KCNAB2: variants seen among roughly 807,000 people sequenced by gnomAD.
KCNAB2 encodes the protein potassium voltage-gated channel subfamily A regulatory beta subunit 2, also known as voltage-gated potassium channel subunit beta-2.
Under a neutral mutation model 63.6 loss-of-function variants are expected in KCNAB2, and 29 were observed. That is an observed-to-expected ratio of 0.46 (90% CI 0.34 to 0.62). KCNAB2 has a LOEUF of 0.62. Among genes scored for constraint, KCNAB2 ranks in the 20% least tolerant of loss-of-function variants. KCNAB2 has a pLI of 0.01. For synonymous variants in KCNAB2, 222 were observed against 224.2 expected, an observed-to-expected ratio of 0.99 and a Z score of 0.09; for missense variants, 359 against 563.9, an observed-to-expected ratio of 0.64 and a Z score of 3.68.
At chr1:6,022,714 A>C (rs1338705252) in intron 1 of KCNAB2, among the ~76,000 whole-genome samples, 1 of 151,470 alleles carries the variant, frequency 6.6e-6, no homozygotes, top group East Asian at 1.9e-4. Context: ...TACTCTAGGG[A>C]CCTCAGATCA....
intron 1 of KCNAB2, among the ~76,000 whole-genome samples, chr1:6,012,080 AGGTGGAGGTGATGAAAGTAGAGATGATG>A (rs1454287037): frequency 2.1e-5 from 3 of 144,480 alleles, no homozygotes; most frequent in African/African-American, 7.8e-5. Flanking sequence ...GAGGTGATGA[AGGTGGAGGTGATGAAAGTAGAGATGATG>A]GGTGGAGGTG....
chr1:6,073,952 C>T lies in KCNAB2; in HGVS notation c.300+182C>T, dbSNP rs574074832. On this transcript the variant is annotated intron_variant, in intron 4 of 15. Transcript: ENST00000378083. This position sits in a 1 kb window ranked among gnomAD's most constrained non-coding sequence, Gnocchi z 5.7. ...GAGAGTAGAAAGGTGAGCCAGGTGG[C>T]CATGGCCAGAGGGGATGCCGAGTCT... 2.1e-5 allele frequency: 13 copies of T among 627,748 alleles called. No individual in the cohort carries two copies. The highest frequency in any genetic ancestry group is 2.0e-4 in the African/African-American group (11 of 54,882). The allele number at this position is 627,748 out of a possible 1,614,324, so 38.9% of individuals were successfully genotyped here.
chr1:6,014,758 C>T (rs543052094), intron 1 of KCNAB2, among the ~76,000 whole-genome samples: 2 of 152,302 alleles, frequency 1.3e-5, no homozygotes, highest in East Asian at 3.9e-4. Flanking sequence ...GGCATCCTCT[C>T]CTCCTCCCGT....
intron 10 of KCNAB2, among the ~76,000 whole-genome samples, chr1:6,092,129 TAGA>T (rs1237636312): frequency 1.3e-5 from 2 of 152,380 alleles, no homozygotes; most frequent in East Asian, 3.9e-4. Flanking sequence ...TGGCAGCAGC[TAGA>T]AGGATTCAGT....
rs2100738900 is a variant in KCNAB2, at chr1:6,086,105, G to T, written c.425+857G>T. On this transcript the variant is annotated intron_variant, in intron 6 of 15. Coordinates refer to ENST00000378083, the MANE Select transcript of KCNAB2 (RefSeq NM_001199862.2). The surrounding 1 kb of genome is among the most constrained non-coding windows in gnomAD (Gnocchi z 4.2). Reference sequence around the variant, plus strand: ...CCCCTGGACACAGCTTTATCTCAAGGTGCTGACAAGCCCCGGGGCCCTGTT... The same window carrying T: ...CCCCTGGACACAGCTTTATCTCAAGTTGCTGACAAGCCCCGGGGCCCTGTT... 1 of 985,380 alleles carries T rather than the reference G, an allele frequency of 1.0e-6. No homozygotes were observed. The highest frequency in any genetic ancestry group is 1.7e-5 in the African/African-American group (1 of 57,340). 61.0% of individuals were successfully genotyped at this position (985,380 alleles called of 1,614,324 possible). A position where few individuals can be genotyped will look rare whatever the true frequency, so the allele number is the denominator to read the frequency against.
intron 1 of KCNAB2, among the ~76,000 whole-genome samples, chr1:6,020,817 C>G (rs1007203294): frequency 2.0e-5 from 3 of 152,140 alleles, no homozygotes; most frequent in African/African-American, 7.2e-5. Flanking sequence ...CAAGTGCCCA[C>G]CACCATGCCT....
chr1:6,091,210 C>T, intron 9 of KCNAB2, 53 bp from the exon 10 acceptor site: 1 of 1,354,204 alleles, frequency 7.4e-7, no homozygotes, highest in Non-Finnish European at 1.0e-6. Flanking sequence ...CCACGCCTCT[C>T]AGTGCTCCCA....
chr1:6,042,804 T>C (rs1227775661), upstream of KCNAB2, among the ~76,000 whole-genome samples: 2 of 149,876 alleles, frequency 1.3e-5, no homozygotes, highest in African/African-American at 4.9e-5. Context: ...TGGCAATGTA[T>C]TTCCATGTAG....
In KCNAB2 at chr1:6,098,887, C is replaced by T; in HGVS notation, c.*313C>T. 3.6e-6 allele frequency: 1 copy of T among 275,192 alleles called. No homozygotes were observed. The highest frequency in any genetic ancestry group is 6.9e-6 in the Non-Finnish European group (1 of 145,586). 17.0% of individuals were successfully genotyped at this position (275,192 alleles called of 1,614,324 possible). On this transcript the variant is annotated 3_prime_UTR_variant, in exon 16 of 16. Transcript: ENST00000378083. ...TTTCTCCCAGCCACAGCCAAGATTC[C>T]CAAAGTCAAGGCCCAAAGATTTCCA...
intron 1 of KCNAB2, among the ~76,000 whole-genome samples, chr1:5,999,654 T>C (rs1419873999): frequency 1.3e-5 from 2 of 152,132 alleles, no homozygotes; most frequent in Non-Finnish European, 2.9e-5. Context: ...CCTCTTGGAA[T>C]GTGGTTTGGT....
At chr1:5,998,420 A>T (rs1279879860) in intron 1 of KCNAB2, among the ~76,000 whole-genome samples, 1 of 152,174 alleles carries the variant, frequency 6.6e-6, no homozygotes, top group Non-Finnish European at 1.5e-5. Context: ...TGTGTCTTGG[A>T]CAGCAGTGCC....
Position 6,098,502 on chromosome 1 carries a change from A to C in KCNAB2, c.1176A>C (p.Ser392=), listed in dbSNP as rs2229002. 1 of 1,613,336 alleles carries C rather than the reference A, an allele frequency of 6.2e-7. No homozygotes were observed. The highest frequency in any genetic ancestry group is 2.2e-5 in the East Asian group (1 of 44,826). The change falls in exon 16 of 16, where the codon TCA becomes TCC. Residue 392 remains serine, a synonymous_variant. Coordinates refer to ENST00000378083, the MANE Select transcript of KCNAB2 (RefSeq NM_001199862.2). ...GCACGCAGGTCCTTCCGAAACTGTC[A>C]TCTTCCATTATCCACGAGATTGATA... The part of the protein sequence containing the change: ...IGAIQVLPKL[S]SSIIHEIDSI...
chr1:6,052,752 C>T (rs1025346026), intron 2 of KCNAB2, among the ~76,000 whole-genome samples: 3 of 152,204 alleles, frequency 2.0e-5, no homozygotes, highest in African/African-American at 7.2e-5. Flanking sequence ...CCTCCCCACC[C>T]AGTCCTTGTA....
intron 11 of KCNAB2, 62 bp from the exon 12 acceptor site, chr1:6,095,261 C>T: frequency 1.3e-6 from 2 of 1,532,472 alleles, no homozygotes; most frequent in Admixed American, 3.9e-5. Flanking sequence ...TCCATGGCTG[C>T]CCCGGCAGCC....
In KCNAB2 at chr1:6,028,034, C is replaced by T. The variant is rs999859826; in HGVS notation, c.-52-12483C>T. ...GTTGACCTCCCAACCCCTGCCCACC[C>T]TCTGGGGTGTCCTTCTGACAAATGG... is the stretch of plus-strand genomic sequence containing the variant. On this transcript the variant is annotated intron_variant, in intron 1 of 16. Transcript: ENST00000341524. The surrounding 1 kb of genome is among the most constrained non-coding windows in gnomAD (Gnocchi z 4.0). 1.3e-5 allele frequency among the ~76,000 whole-genome samples: 2 copies of T among 152,274 alleles called. No homozygotes were observed. Among genetic ancestry groups the T allele is most frequent in the Non-Finnish European group, 2.9e-5 (2 of 68,044 alleles).
intron 2 of KCNAB2, among the ~76,000 whole-genome samples, chr1:6,057,673 C>T (rs181980811): frequency 4.5e-4 from 69 of 152,330 alleles, no homozygotes; most frequent in Middle Eastern, 6.8e-3. Context: ...CCAGGTGCAG[C>T]CGGGCCATAC....
rs1489700788 is a variant in KCNAB2 at position 5,994,665 on chromosome 1, G to GT, written c.-53+1878dup. ...TTCGTGTGTTTCTTGGTTGAGAACCGTCTTGGGTCTGGATTTGGAGCCTGG... is the reference window on the plus strand; with the variant it reads ...TTCGTGTGTTTCTTGGTTGAGAACCGTTCTTGGGTCTGGATTTGGAGCCTGG... On this transcript the variant is annotated intron_variant, in intron 1 of 16. Coordinates refer to the KCNAB2 transcript ENST00000341524. This position sits in a 1 kb window ranked among gnomAD's most constrained non-coding sequence, Gnocchi z 5.4. Among the ~76,000 whole-genome samples the GT allele has an allele frequency of 6.6e-6, 1 of 152,142 alleles. No homozygotes were observed. The highest frequency in any genetic ancestry group is 2.1e-4 in the South Asian group (1 of 4,834).
chr1:6,018,410 C>T (rs1231720879), intron 1 of KCNAB2, among the ~76,000 whole-genome samples: 1 of 152,024 alleles, frequency 6.6e-6, no homozygotes, highest in African/African-American at 2.4e-5. Context: ...AGCCCTAATC[C>T]TCAATGTGAT....
intron 1 of KCNAB2, among the ~76,000 whole-genome samples, chr1:6,046,428 G>C (rs1660929927): frequency 6.6e-6 from 1 of 152,228 alleles, no homozygotes; most frequent in African/African-American, 2.4e-5. Context: ...CCTCTCGCTT[G>C]AGTCTGCTCA....
Sources: allele counts gnomAD v4.1 joint callset (sites outside exome capture counted in the v4.1 genomes callset), GRCh38; gene constraint gnomAD v4.1.1; non-coding constraint Gnocchi (gnomAD v3.1); transcripts MANE v1.5; gene names NCBI Gene and HGNC (gene_info 2026-07-23, HGNC 2026-07-21).